SLC14A2: variants seen among roughly 807,000 people sequenced by gnomAD.
SLC14A2 encodes urea transporter 2.
Under a neutral mutation model 104.6 loss-of-function variants are expected in SLC14A2, and 91 were observed. That is an observed-to-expected ratio of 0.87 (90% CI 0.73 to 1.04). SLC14A2 has a LOEUF of 1.04. Ranked by LOEUF, SLC14A2 falls within the 50% of genes least tolerant of loss-of-function variation. SLC14A2 has a pLI of 0.00. For missense variants in SLC14A2, 1,189 were observed against 1,156.0 expected, an observed-to-expected ratio of 1.03 and a Z score of -0.41; for synonymous variants, 476 against 466.4, an observed-to-expected ratio of 1.02 and a Z score of -0.27.
chr18:45,235,038 G>A (rs181090334), intron 1 of SLC14A2, among the ~76,000 whole-genome samples: 18 of 151,868 alleles, frequency 1.2e-4, no homozygotes, highest in African/African-American at 3.1e-4. Flanking sequence ...TTGTGTAGAC[G>A]GGCATAGAAA....
intron 5 of SLC14A2, among the ~76,000 whole-genome samples, chr18:45,636,280 G>T (rs564187244): frequency 1.3e-5 from 2 of 152,310 alleles, no homozygotes; most frequent in Non-Finnish European, 1.5e-5. Flanking sequence ...TGGGGTATTT[G>T]GTGTCTAGGG....
the SLC14A2 span, among the ~76,000 whole-genome samples, chr18:45,196,177 T>C: frequency 6.6e-6 from 1 of 152,224 alleles, no homozygotes; most frequent in Non-Finnish European, 1.5e-5. Context: ...CACTTCCACT[T>C]AGGTTATAAT....
At chr18:45,243,711 G>A (rs1265736366) in intron 1 of SLC14A2, among the ~76,000 whole-genome samples, 1 of 152,200 alleles carries the variant, frequency 6.6e-6, no homozygotes, top group Non-Finnish European at 1.5e-5. Flanking sequence ...GGAAATCAAG[G>A]AGGCTGGTGT....
At position 45,673,170 on chromosome 18, in the gene SLC14A2, T is replaced by C. The variant is rs1599162321; in HGVS notation, c.2377+123T>C. On this transcript the variant is annotated intron_variant, in intron 17 of 19. Coordinates refer to ENST00000255226, the MANE Select transcript of SLC14A2 (RefSeq NM_007163.4). ...TTCCTGTGAACTTTCCCTCCTTCTG[T>C]TGTACCCTGTTTCTCCGTTTTTGAT... 5 of 947,014 alleles carry C rather than the reference T, an allele frequency of 5.3e-6. No homozygotes were observed. The East Asian group carries it at 1.2e-4, about 23-fold the overall frequency. The allele number at this position is 947,014 out of a possible 1,614,324, so 58.7% of individuals were successfully genotyped here. A position where few individuals can be genotyped will look rare whatever the true frequency, so the allele number is the denominator to read the frequency against.
intron 1 of SLC14A2, among the ~76,000 whole-genome samples, chr18:45,388,064 C>CTTT (rs58962313): frequency 8.7e-5 from 6 of 69,052 alleles, no homozygotes; most frequent in African/African-American, 1.2e-4. Flanking sequence ...TTGCTCATAT[C>CTTT]TTTTTTTTTT....
At position 45,627,118 on chromosome 18, in the gene SLC14A2, C is replaced by T; in HGVS notation, c.492C>T (p.Thr164=). The part of the protein sequence containing the change: ...ITGGLGTVVS[T]LTALALGQDR... ...GGGGCCTGGGGACAGTGGTCTCGAC[C>T]TTAACAGCTCTCGCCTTGGGCCAAG... Residue 164 remains threonine, a synonymous_variant, in exon 4 of 20, where the codon ACC becomes ACT. Transcript: ENST00000255226. The T allele has an allele frequency of 6.2e-7, 1 of 1,614,168 alleles. No homozygotes were observed. Among genetic ancestry groups the T allele is most frequent in the Non-Finnish European group, 8.5e-7 (1 of 1,180,008 alleles).
intron 1 of SLC14A2, among the ~76,000 whole-genome samples, chr18:45,326,368 A>G (rs2085234414): frequency 6.6e-6 from 1 of 152,124 alleles, no homozygotes; most frequent in Non-Finnish European, 1.5e-5. Flanking sequence ...GATTCTCTAT[A>G]TCTTCTCAAA....
chr18:45,678,101 G>A (rs1055067491), intron 18 of SLC14A2, among the ~76,000 whole-genome samples: 1 of 152,100 alleles, frequency 6.6e-6, no homozygotes, highest in Non-Finnish European at 1.5e-5. Flanking sequence ...TTACAGACGT[G>A]AGCCGCCACT....
At chr18:45,570,656 C>T (rs984337359) in intron 2 of SLC14A2, among the ~76,000 whole-genome samples, 4 of 152,196 alleles carry the variant, frequency 2.6e-5, no homozygotes, top group Non-Finnish European at 5.9e-5. Context: ...TCCTCCCATC[C>T]AGGACCACAT....
chr18:45,482,779 A>G (rs1228087404), intron 1 of SLC14A2, among the ~76,000 whole-genome samples: 1 of 150,736 alleles, frequency 6.6e-6, no homozygotes, highest in African/African-American at 2.4e-5. Flanking sequence ...TTCAGCCCAC[A>G]CTCAAATGGA....
chr18:45,385,266 T>C (rs145082138), intron 1 of SLC14A2, among the ~76,000 whole-genome samples: 1 of 152,280 alleles, frequency 6.6e-6, no homozygotes, highest in Non-Finnish European at 1.5e-5. Flanking sequence ...CACTACCAAA[T>C]TCCCTGCAGG....
At chr18:45,613,968 A>C (rs1361469739), upstream of SLC14A2, among the ~76,000 whole-genome samples, 1 of 152,244 alleles carries the variant, frequency 6.6e-6, no homozygotes, top group Non-Finnish European at 1.5e-5. Flanking sequence ...GTTAATCGCC[A>C]AGACAATGGG....
intron 1 of SLC14A2, among the ~76,000 whole-genome samples, chr18:45,396,374 C>T (rs1390588181): frequency 6.6e-6 from 1 of 152,160 alleles, no homozygotes; most frequent in Non-Finnish European, 1.5e-5. Flanking sequence ...TTTTCTCCAT[C>T]TTTGTAATGG....
the SLC14A2 span, among the ~76,000 whole-genome samples, chr18:45,190,830 A>G: frequency 6.6e-6 from 1 of 152,218 alleles, no homozygotes; most frequent in African/African-American, 2.4e-5. Context: ...ACTAGCACTC[A>G]GAGGTGGGCA....
intron 2 of SLC14A2, among the ~76,000 whole-genome samples, chr18:45,578,622 C>T (rs983868501): frequency 6.6e-6 from 1 of 152,140 alleles, no homozygotes; most frequent in Non-Finnish European, 1.5e-5. Context: ...GGAATACATA[C>T]AATTTTGCCT....
At chr18:45,523,689 G>A (rs1032875664) in intron 2 of SLC14A2, among the ~76,000 whole-genome samples, 1 of 151,856 alleles carries the variant, frequency 6.6e-6, no homozygotes, top group Non-Finnish European at 1.5e-5. Flanking sequence ...GAGACCCAGT[G>A]CAAATGATAC....
chr18:45,588,244 A>G (rs1207418391), intron 2 of SLC14A2, among the ~76,000 whole-genome samples: 2 of 152,118 alleles, frequency 1.3e-5, no homozygotes, highest in Non-Finnish European at 2.9e-5. Flanking sequence ...CCAATTTCTG[A>G]GATGTCCTGG....
upstream of SLC14A2, among the ~76,000 whole-genome samples, chr18:45,208,732 G>A (rs2083935847): frequency 6.6e-6 from 1 of 152,034 alleles, no homozygotes; most frequent in Non-Finnish European, 1.5e-5. Context: ...CATGATGGAT[G>A]ACAGAGTAGA....
intron 2 of SLC14A2, among the ~76,000 whole-genome samples, chr18:45,502,354 C>T (rs1264446949): frequency 2.0e-5 from 3 of 152,202 alleles, no homozygotes; most frequent in African/African-American, 7.2e-5. Flanking sequence ...AGAACATAAG[C>T]TCCTCCAGGG....
Sources: allele counts gnomAD v4.1 joint callset (sites outside exome capture counted in the v4.1 genomes callset), GRCh38; gene constraint gnomAD v4.1.1; transcripts MANE v1.5; gene names NCBI Gene and HGNC (gene_info 2026-07-23, HGNC 2026-07-21).